Variants in TAFA5 observed in about 807,000 individuals in gnomAD.
The protein encoded by TAFA5 is chemokine-like protein TAFA-5.
In TAFA5, 6 loss-of-function variants were observed where a neutral mutation model predicts 15.3. The ratio of observed to expected loss-of-function variants is 0.39; its 90% CI spans 0.21 to 0.77. The LOEUF is 0.77. TAFA5 is among the 30% of genes least tolerant of loss of function. The pLI, the probability that TAFA5 is intolerant of heterozygous loss-of-function variation, is 0.41. For missense variants in TAFA5, 161 were observed against 193.1 expected, an observed-to-expected ratio of 0.83 and a Z score of 0.98; for synonymous variants, 103 against 80.7, an observed-to-expected ratio of 1.28 and a Z score of -1.48.
chr22:48,591,986 CG>C (rs139549907), intron 1 of TAFA5, among the ~76,000 whole-genome samples: 1,741 of 152,282 alleles, frequency 0.011, 32 homozygotes, highest in African/African-American at 0.037. Flanking sequence ...GTGTGATGGC[CG>C]GGGGTGATGC....
intron 1 of TAFA5, among the ~76,000 whole-genome samples, chr22:48,575,136 CTG>C (rs1427336739): frequency 6.6e-6 from 1 of 152,182 alleles, no homozygotes; most frequent in Non-Finnish European, 1.5e-5. Flanking sequence ...TGGGGTTTCC[CTG>C]TCTCTCCTGG....
At chr22:48,526,855 C>G (rs1004047296) in intron 1 of TAFA5, among the ~76,000 whole-genome samples, 5 of 152,156 alleles carry the variant, frequency 3.3e-5, no homozygotes, top group Non-Finnish European at 7.3e-5. Flanking sequence ...TTTTGTTTTG[C>G]TTTGTTTCTT....
intron 2 of TAFA5, among the ~76,000 whole-genome samples, chr22:48,661,286 C>T (rs1329034898): frequency 6.6e-6 from 1 of 152,200 alleles, no homozygotes. Context: ...CGAGCCGCCT[C>T]GGGCACGTCT....
At chr22:48,704,200 G>GCGCGCACA (rs1003524010) in intron 2 of TAFA5, among the ~76,000 whole-genome samples, 8 of 150,222 alleles carry the variant, frequency 5.3e-5, no homozygotes, top group African/African-American at 2.0e-4. Context: ...ACACACACGC[G>GCGCGCACA]CACACACACA....
At chr22:48,565,068 C>T (rs1463216706) in intron 1 of TAFA5, among the ~76,000 whole-genome samples, 2 of 152,336 alleles carry the variant, frequency 1.3e-5, no homozygotes, top group East Asian at 3.9e-4. Context: ...GCTGGGGAAC[C>T]TCATGGCCGT....
intron 3 of TAFA5, among the ~76,000 whole-genome samples, chr22:48,731,045 A>G (rs1458905840): frequency 6.6e-6 from 1 of 152,228 alleles, no homozygotes; most frequent in African/African-American, 2.4e-5. Flanking sequence ...ATTATTGAAG[A>G]TAAATGCAAG....
chr22:48,619,848 C>A (rs1925741530), intron 1 of TAFA5, among the ~76,000 whole-genome samples: 1 of 152,244 alleles, frequency 6.6e-6, no homozygotes, highest in Admixed American at 6.5e-5. Flanking sequence ...TTGCTCTGGG[C>A]CCTGGCTCAG....
chr22:48,575,913 G>C (rs1372181850), intron 1 of TAFA5, among the ~76,000 whole-genome samples: 5 of 142,452 alleles, frequency 3.5e-5, no homozygotes, highest in Admixed American at 6.9e-5. Context: ...CCTGAGCCCC[G>C]GGCCGGAGCG....
At chr22:48,517,787 C>T (rs997522258) in intron 1 of TAFA5, among the ~76,000 whole-genome samples, 5 of 152,112 alleles carry the variant, frequency 3.3e-5, no homozygotes, top group East Asian at 1.9e-4. Flanking sequence ...TCTGCCGTGC[C>T]GTCTCCTCCC....
intron 1 of TAFA5, among the ~76,000 whole-genome samples, chr22:48,634,558 C>T (rs1926375067): frequency 6.6e-6 from 1 of 152,038 alleles, no homozygotes; most frequent in South Asian, 2.1e-4. Context: ...CTCAGTCATT[C>T]ACTGATTTAC....
At chr22:48,548,005 A>G (rs1922734172) in intron 1 of TAFA5, among the ~76,000 whole-genome samples, 1 of 152,054 alleles carries the variant, frequency 6.6e-6, no homozygotes, top group African/African-American at 2.4e-5. Context: ...CTGTTGTGTG[A>G]TGTGTTCTTC....
intron 2 of TAFA5, among the ~76,000 whole-genome samples, chr22:48,647,218 C>T (rs1047543636): frequency 3.9e-5 from 6 of 152,284 alleles, no homozygotes; most frequent in East Asian, 1.9e-4. Context: ...GCCGCAGCTC[C>T]GGCCCCCATG....
chr22:48,496,212 C>A (rs1192980095), intron 1 of TAFA5, among the ~76,000 whole-genome samples: 2 of 152,168 alleles, frequency 1.3e-5, no homozygotes, highest in Non-Finnish European at 2.9e-5. Context: ...GGGTCACTTT[C>A]TTCCTTGTTT....
chr22:48,653,302 G>A (rs189805902), intron 2 of TAFA5, among the ~76,000 whole-genome samples: 351 of 152,334 alleles, frequency 2.3e-3, no homozygotes, highest in Admixed American at 4.8e-3. Flanking sequence ...AGCATGATTG[G>A]TTTGTGAGGA....
Position 48,509,726 on chromosome 22 carries a change from C to T in TAFA5, c.112+20022C>T, listed in dbSNP as rs1345646718. On this transcript the variant is annotated intron_variant, in intron 1 of 3. Coordinates refer to ENST00000402357, the MANE Select transcript of TAFA5 (RefSeq NM_001082967.3). ...CAGCACTTTGGGAGGCTGAGGCGGG[C>T]GGATCACGAGGTCAGAAGATCGAGA... is the stretch of plus-strand genomic sequence containing the variant. Among the ~76,000 whole-genome samples the T allele has an allele frequency of 1.9e-4, 29 of 151,928 alleles. No homozygotes were observed. In the East Asian group the frequency reaches 4.1e-3, roughly 21 times the overall value.
chr22:48,710,218 G>A (rs1929209169), intron 3 of TAFA5, among the ~76,000 whole-genome samples: 1 of 152,208 alleles, frequency 6.6e-6, no homozygotes, highest in Non-Finnish European at 1.5e-5. Context: ...GCTAATTAAA[G>A]TGACCAGTGA....
At chr22:48,725,159 G>A (rs1039180165) in intron 3 of TAFA5, among the ~76,000 whole-genome samples, 10 of 152,234 alleles carry the variant, frequency 6.6e-5, no homozygotes, top group Admixed American at 1.3e-4. Flanking sequence ...GCTGCACATC[G>A]CCCGGACCTT....
At chr22:48,663,404 C>T (rs964120873) in intron 2 of TAFA5, among the ~76,000 whole-genome samples, 5 of 152,042 alleles carry the variant, frequency 3.3e-5, no homozygotes, top group Non-Finnish European at 5.9e-5. Flanking sequence ...CCACTGGTGA[C>T]GAGGGGAGAC....
chr22:48,641,940 CAG>C (rs558584705), intron 1 of TAFA5, among the ~76,000 whole-genome samples: 104 of 152,302 alleles, frequency 6.8e-4, no homozygotes, highest in African/African-American at 2.2e-3. Flanking sequence ...AGAGAAAAGA[CAG>C]AAACACCATC....
Sources: allele counts gnomAD v4.1 joint callset (sites outside exome capture counted in the v4.1 genomes callset), GRCh38; gene constraint gnomAD v4.1.1; transcripts MANE v1.5; gene names NCBI Gene and HGNC (gene_info 2026-07-23, HGNC 2026-07-21).